The following HDGFL3 variants were observed in gnomAD, a reference collection of about 807,000 sequenced individuals.
HDGFL3 encodes the protein HDGF like 3, also known as hepatoma-derived growth factor-related protein 3.
In HDGFL3, 6 loss-of-function variants were observed where a neutral mutation model predicts 27.6. The observed-to-expected ratio is 0.22, with a 90% CI of 0.12 to 0.43. The LOEUF (loss-of-function observed/expected upper bound fraction) is 0.43. Ranked by LOEUF, HDGFL3 falls within the 20% of genes least tolerant of loss-of-function variation. HDGFL3 has a pLI of 1.00. For missense variants in HDGFL3, 207 were observed against 250.1 expected, an observed-to-expected ratio of 0.83 and a Z score of 1.16; for synonymous variants, 88 against 88.9, an observed-to-expected ratio of 0.99 and a Z score of 0.05.
At chr15:83,168,155 A>C (rs1206227764) in intron 1 of HDGFL3, among the ~76,000 whole-genome samples, 1 of 152,248 alleles carries the variant, frequency 6.6e-6, no homozygotes, top group Non-Finnish European at 1.5e-5. Flanking sequence ...ATACAGCAAA[A>C]GCAGTGTTAA....
chr15:83,176,495 A>G (rs544856321), intron 1 of HDGFL3, among the ~76,000 whole-genome samples: 6 of 152,308 alleles, frequency 3.9e-5, no homozygotes, highest in African/African-American at 1.4e-4. Context: ...CTTCCCTTAC[A>G]GCCTGCAAAT....
chr15:83,145,318 C>G (rs560378652), intron 5 of HDGFL3, among the ~76,000 whole-genome samples: 7 of 152,228 alleles, frequency 4.6e-5, no homozygotes, highest in African/African-American at 1.7e-4. Flanking sequence ...ATCTCTTCTA[C>G]TGGGCCCCCT....
intron 3 of HDGFL3, chr15:83,119,711 G>A: frequency 6.2e-7 from 1 of 1,613,144 alleles, no homozygotes; most frequent in Non-Finnish European, 8.5e-7. Context: ...GTGTGCCTTT[G>A]CCACCTTAGC....
In HDGFL3 at chr15:83,135,194, T is replaced by A. The variant is rs2036528882; in HGVS notation, c.*4076A>T. ...TGTAAAAATGCAGCCCATTAAAATA[T>A]CTGCCACTGATAAAAAATTCATAAA... On this transcript the variant is annotated 3_prime_UTR_variant, in exon 6 of 6. Transcript: ENST00000299633. 6.6e-6 allele frequency: 1 copy of A among 152,226 alleles called. No individual in the cohort carries two copies. The highest frequency in any genetic ancestry group is 2.1e-4 in the South Asian group (1 of 4,834). 9.4% of individuals were successfully genotyped at this position (152,226 alleles called of 1,614,324 possible). A position where few individuals can be genotyped will look rare whatever the true frequency, so the allele number is the denominator to read the frequency against.
At chr15:83,177,380 T>C (rs1203201973) in intron 1 of HDGFL3, among the ~76,000 whole-genome samples, 1 of 152,226 alleles carries the variant, frequency 6.6e-6, no homozygotes, top group Non-Finnish European at 1.5e-5. Flanking sequence ...AAGATTTGGG[T>C]TGTTTGCTCA....
At chr15:83,122,737 T>C (rs1320077462) in intron 3 of HDGFL3, 3 of 1,610,318 alleles carry the variant, frequency 1.9e-6, no homozygotes, top group East Asian at 2.2e-5. Flanking sequence ...AACTTCTTTC[T>C]CTTTCTCTCT....
Position 83,133,847 on chromosome 15 carries a change from C to T in HDGFL3, c.*5423G>A, listed in dbSNP as rs2036432342. ...TTCAGAACCCTGAACACTTAACATC[C>T]TATGCCTTAGGAGAAAGCTATGGTC... is the stretch of plus-strand genomic sequence containing the variant. On this transcript the variant is annotated 3_prime_UTR_variant, in exon 6 of 6. Transcript: ENST00000299633. The T allele has an allele frequency of 6.6e-6, 1 of 152,236 alleles. No individual in the cohort carries two copies. The highest frequency in any genetic ancestry group is 1.5e-5 in the Non-Finnish European group (1 of 68,060). 9.4% of individuals were successfully genotyped at this position (152,236 alleles called of 1,614,324 possible). A position where few individuals can be genotyped will look rare whatever the true frequency, so the allele number is the denominator to read the frequency against.
chr15:83,142,648 T>G (rs2151393935), intron 5 of HDGFL3, among the ~76,000 whole-genome samples: 1 of 152,182 alleles, frequency 6.6e-6, no homozygotes, highest in East Asian at 1.9e-4. Flanking sequence ...GCACATGTAC[T>G]CCCTGAAGTT....
chr15:83,115,805 T>A, intron 3 of HDGFL3: 1 of 1,346,644 alleles, frequency 7.4e-7, no homozygotes, highest in Non-Finnish European at 1.1e-6. Context: ...AATTGTCTCC[T>A]GAGCTATTGC....
intron 5 of HDGFL3, among the ~76,000 whole-genome samples, chr15:83,143,528 G>C (rs1253376346): frequency 2.6e-5 from 4 of 152,176 alleles, no homozygotes; most frequent in African/African-American, 9.6e-5. Context: ...GTTGCAGTGA[G>C]CTAAGATCGT....
At chr15:83,150,237 G>C (rs992345745) in intron 5 of HDGFL3, among the ~76,000 whole-genome samples, 3 of 152,158 alleles carry the variant, frequency 2.0e-5, no homozygotes, top group African/African-American at 7.2e-5. Context: ...GAAGCGACCT[G>C]ACATAAAGGT....
At position 83,154,344 on chromosome 15, in the gene HDGFL3, GA is replaced by G. The variant is rs544397303; in HGVS notation, c.460-2984del. The stretch of plus-strand genomic sequence containing the variant: ...GAGCAAGACCCTGTCTCAAGACAAA[GA>G]AAAAAAAAAAAAAGGAAAAATCACC... On this transcript the variant is annotated intron_variant, in intron 4 of 5. Coordinates refer to ENST00000299633, the MANE Select transcript of HDGFL3 (RefSeq NM_016073.4). 7.2e-3 allele frequency among the ~76,000 whole-genome samples: 811 copies of G among 113,374 alleles called. 7 individuals carry two copies. Among genetic ancestry groups the G allele is most frequent in the African/African-American group, 0.019 (618 of 31,980 alleles). The allele number at this position is 113,374 out of a possible 152,430, so 74.4% of individuals were successfully genotyped here.
At chr15:83,185,563 G>A (rs188071201) in intron 1 of HDGFL3, among the ~76,000 whole-genome samples, 5 of 152,272 alleles carry the variant, frequency 3.3e-5, no homozygotes, top group Non-Finnish European at 4.4e-5. Flanking sequence ...GAGGCTACCC[G>A]GAGGCGAGAG....
At chr15:83,187,963 G>A (rs73437314) in intron 1 of HDGFL3, among the ~76,000 whole-genome samples, 6,482 of 151,852 alleles carry the variant, frequency 0.043, 387 homozygotes, top group African/African-American at 0.12. Flanking sequence ...ATTTACATGG[G>A]ATAGACTTTG....
At chr15:83,170,490 T>C (rs991197511) in intron 1 of HDGFL3, among the ~76,000 whole-genome samples, 1 of 152,164 alleles carries the variant, frequency 6.6e-6, no homozygotes, top group Non-Finnish European at 1.5e-5. Flanking sequence ...ATTTGATACA[T>C]GGTGCTGGGA....
At chr15:83,124,475 A>C (rs538920520), downstream of HDGFL3, among the ~76,000 whole-genome samples, 2 of 152,328 alleles carry the variant, frequency 1.3e-5, no homozygotes, top group South Asian at 4.1e-4. Context: ...TTTAGCCCAA[A>C]TTCTTCATTT....
intron 5 of HDGFL3, among the ~76,000 whole-genome samples, chr15:83,147,880 T>C (rs567255291): frequency 1.2e-4 from 19 of 152,302 alleles, no homozygotes; most frequent in African/African-American, 4.6e-4. Flanking sequence ...GCAAGAAATA[T>C]GATGATCCAT....
chr15:83,150,995 T>C (rs942103263), intron 5 of HDGFL3, among the ~76,000 whole-genome samples: 1 of 152,190 alleles, frequency 6.6e-6, no homozygotes, highest in African/African-American at 2.4e-5. Context: ...AACCTGTTCA[T>C]AGAGATCCAA....
At chr15:83,143,464 C>T (rs1387630790) in intron 5 of HDGFL3, among the ~76,000 whole-genome samples, 1 of 151,860 alleles carries the variant, frequency 6.6e-6, no homozygotes, top group Non-Finnish European at 1.5e-5. Flanking sequence ...TGCCTGCAAT[C>T]CCAGCTACTC....
Sources: allele counts gnomAD v4.1 joint callset (sites outside exome capture counted in the v4.1 genomes callset), GRCh38; gene constraint gnomAD v4.1.1; transcripts MANE v1.5; gene names NCBI Gene and HGNC (gene_info 2026-07-23, HGNC 2026-07-21).